The following RIN2 variants were observed in gnomAD, a reference collection of about 807,000 sequenced individuals.
RIN2 encodes the protein Ras and Rab interactor 2.
In RIN2, 36 loss-of-function variants were observed where a neutral mutation model predicts 78.0. The ratio of observed to expected loss-of-function variants is 0.46; its 90% CI spans 0.35 to 0.61. RIN2 has a LOEUF of 0.61. Among genes scored for constraint, RIN2 ranks in the 20% least tolerant of loss-of-function variants. The pLI is 0.00. For missense variants in RIN2, 1,087 were observed against 1,159.7 expected, an observed-to-expected ratio of 0.94 and a Z score of 0.91; for synonymous variants, 466 against 466.8, an observed-to-expected ratio of 1.00 and a Z score of 0.02.
chr20:19,822,514 C>G (rs2035956681), intron 2 of RIN2, among the ~76,000 whole-genome samples: 1 of 152,310 alleles, frequency 6.6e-6, no homozygotes, highest in African/African-American at 2.4e-5. Flanking sequence ...TCTTGCTCAT[C>G]TTTCCCTGAT....
chr20:19,932,546 G>C (rs1287920857), intron 3 of RIN2, among the ~76,000 whole-genome samples: 2 of 152,120 alleles, frequency 1.3e-5, no homozygotes, highest in African/African-American at 2.4e-5. Flanking sequence ...AGTGCTTCTG[G>C]AAGCTCCCCC....
intron 2 of RIN2, among the ~76,000 whole-genome samples, chr20:19,820,556 T>G (rs1197428820): frequency 6.6e-6 from 1 of 152,166 alleles, no homozygotes; most frequent in African/African-American, 2.4e-5. Context: ...AACAGTCTGT[T>G]TCTGGGTCCT....
At chr20:19,871,864 C>T (rs1039679645) in intron 2 of RIN2, 6 of 152,142 alleles carry the variant, frequency 3.9e-5, no homozygotes, top group South Asian at 2.1e-4. Flanking sequence ...ATGAGGAGGA[C>T]GCTAAGATTT....
At chr20:19,891,026 A>C (rs1354837946) in intron 3 of RIN2, among the ~76,000 whole-genome samples, 2 of 152,224 alleles carry the variant, frequency 1.3e-5, no homozygotes, top group Non-Finnish European at 2.9e-5. Context: ...GCCAGGACAA[A>C]TTAGTGTGTA....
chr20:19,949,660 A>G (rs1025200154), intron 4 of RIN2, among the ~76,000 whole-genome samples: 1 of 152,156 alleles, frequency 6.6e-6, no homozygotes, highest in Non-Finnish European at 1.5e-5. Context: ...CAAAGTGTAC[A>G]TTTCAGATGT....
chr20:19,820,985 C>T (rs1465497368), intron 2 of RIN2, among the ~76,000 whole-genome samples: 2 of 152,118 alleles, frequency 1.3e-5, no homozygotes, highest in Non-Finnish European at 2.9e-5. Flanking sequence ...TAGTAACTGG[C>T]TCTTGTGAGC....
intron 2 of RIN2, among the ~76,000 whole-genome samples, chr20:19,811,758 C>T (rs1313338616): frequency 2.1e-5 from 3 of 145,978 alleles, no homozygotes; most frequent in Non-Finnish European, 4.5e-5. Flanking sequence ...TGAGGGCCAT[C>T]TCCTGTGCTA....
Position 19,848,397 on chromosome 20 carries a change from G to A in RIN2, c.-36-41169G>A, listed in dbSNP as rs8120277. On this transcript the variant is annotated intron_variant, in intron 2 of 12. Transcript: ENST00000255006. ...AAAACACACAAAAAATTAGCTGGGCGTGGTGGTGTGTGCCTGTAATCCCAG... is the reference window on the plus strand; with the variant it reads ...AAAACACACAAAAAATTAGCTGGGCATGGTGGTGTGTGCCTGTAATCCCAG... 1.1e-4 allele frequency among the ~76,000 whole-genome samples: 17 copies of A among 151,878 alleles called. No individual in the cohort carries two copies. The South Asian group carries it at 1.7e-3, about 15-fold the overall frequency.
intron 3 of RIN2, among the ~76,000 whole-genome samples, chr20:19,921,205 T>A (rs967209896): frequency 5.3e-5 from 8 of 152,208 alleles, no homozygotes; most frequent in African/African-American, 1.9e-4. Context: ...ATTAATTGTT[T>A]GAAAGCAAAC....
At chr20:19,929,439 G>GCAAC (rs371642715) in intron 3 of RIN2, among the ~76,000 whole-genome samples, 4 of 152,272 alleles carry the variant, frequency 2.6e-5, no homozygotes, top group African/African-American at 9.6e-5. Context: ...TGGGCTCACT[G>GCAAC]CAACCTCTGC....
intron 1 of RIN2, among the ~76,000 whole-genome samples, chr20:19,787,422 TAAAAAAA>T (rs541323014): frequency 8.1e-5 from 7 of 85,890 alleles, no homozygotes; most frequent in South Asian, 8.9e-4. Context: ...GACTCCATCT[TAAAAAAA>T]AAAAAAAAAA....
chr20:19,929,165 G>A (rs184263803), intron 3 of RIN2, among the ~76,000 whole-genome samples: 78 of 152,308 alleles, frequency 5.1e-4, no homozygotes, highest in African/African-American at 1.6e-3. Context: ...CCACAGACGA[G>A]CAGGGGTGTA....
intron 7 of RIN2, among the ~76,000 whole-genome samples, chr20:19,969,440 C>G (rs1384255613): frequency 6.6e-6 from 1 of 152,142 alleles, no homozygotes; most frequent in Non-Finnish European, 1.5e-5. Context: ...ATGATTTAAC[C>G]CCTGGCCACC....
At chr20:19,777,517 T>G (rs2034351641) in intron 1 of RIN2, among the ~76,000 whole-genome samples, 1 of 152,242 alleles carries the variant, frequency 6.6e-6, no homozygotes, top group South Asian at 2.1e-4. Flanking sequence ...TTTTATAAAT[T>G]GTTGATAGAC....
chr20:19,800,627 C>T (rs2035211442), intron 2 of RIN2, among the ~76,000 whole-genome samples: 1 of 152,222 alleles, frequency 6.6e-6, no homozygotes, highest in Non-Finnish European at 1.5e-5. Flanking sequence ...GCCCCACTGA[C>T]ATGGGACTTA....
At chr20:19,876,875 C>T (rs1013518082) in intron 2 of RIN2, among the ~76,000 whole-genome samples, 44 of 147,286 alleles carry the variant, frequency 3.0e-4, no homozygotes, top group African/African-American at 1.1e-3. Context: ...CACTGCACTC[C>T]AGCCTGGGCA....
chr20:19,883,029 T>G (rs1188406444), intron 2 of RIN2, among the ~76,000 whole-genome samples: 2 of 152,190 alleles, frequency 1.3e-5, no homozygotes, highest in Non-Finnish European at 2.9e-5. Context: ...TTTTGACGGC[T>G]CAGAACCCTT....
At chr20:19,847,222 C>A (rs755834595) in intron 2 of RIN2, among the ~76,000 whole-genome samples, 1 of 152,218 alleles carries the variant, frequency 6.6e-6, no homozygotes, top group African/African-American at 2.4e-5. Flanking sequence ...AAGCATTTAG[C>A]ATTTGTTTGC....
intron 2 of RIN2, among the ~76,000 whole-genome samples, chr20:19,856,107 A>T (rs1035608429): frequency 6.6e-6 from 1 of 152,182 alleles, no homozygotes; most frequent in African/African-American, 2.4e-5. Context: ...CTTTTAAGAG[A>T]CGCTACATCA....
Sources: gnomAD v4.1 joint callset for allele counts (sites outside exome capture counted in the v4.1 genomes callset) on GRCh38, gnomAD v4.1.1 for gene constraint, MANE v1.5 for transcripts, NCBI Gene and HGNC (gene_info 2026-07-23, HGNC 2026-07-21) for gene names.